MEF2C: variants seen among roughly 807,000 people sequenced by gnomAD.
MEF2C encodes myocyte enhancer factor 2C.
MEF2C carries 6 observed loss-of-function variants against 50.5 expected under a neutral mutation model. The ratio of observed to expected loss-of-function variants is 0.12; its 90% CI spans 0.07 to 0.23. The LOEUF is 0.23. Ranked by LOEUF, MEF2C falls within the 10% of genes least tolerant of loss-of-function variation. The pLI is 1.00. For missense variants in MEF2C, 276 were observed against 605.0 expected, an observed-to-expected ratio of 0.46 and a Z score of 5.70; for synonymous variants, 183 against 228.0, an observed-to-expected ratio of 0.80 and a Z score of 1.78.
rs1162465418 is a variant in MEF2C at position 88,720,796 on chromosome 5, A to C, written c.*1808T>G. 1 of 152,422 alleles carries C rather than the reference A, an allele frequency of 6.6e-6. No individual in the cohort carries two copies. Among genetic ancestry groups the C allele is most frequent in the African/African-American group, 2.4e-5 (1 of 41,410 alleles). 9.4% of individuals were successfully genotyped at this position (152,422 alleles called of 1,614,324 possible). A position where few individuals can be genotyped will look rare whatever the true frequency, so the allele number is the denominator to read the frequency against. Reference sequence around the variant, plus strand: ...ATATTAGACAAGAGTCATTTTTTTTAAATTAAAAAAAGGGACATAGAGAGG... The same window carrying C: ...ATATTAGACAAGAGTCATTTTTTTTCAATTAAAAAAAGGGACATAGAGAGG... On this transcript the variant is annotated 3_prime_UTR_variant, in exon 11 of 11. Transcript: ENST00000504921.
chr5:88,800,849 T>G (rs2153045139), intron 3 of MEF2C, among the ~76,000 whole-genome samples: 1 of 152,314 alleles, frequency 6.6e-6, no homozygotes, highest in African/African-American at 2.4e-5. Context: ...ATTTAACACA[T>G]TTACTAAATC....
At chr5:88,841,064 AAG>A (rs1180527465) in intron 1 of MEF2C, among the ~76,000 whole-genome samples, 8 of 152,332 alleles carry the variant, frequency 5.3e-5, no homozygotes, top group East Asian at 1.9e-4. Flanking sequence ...GTCTGCAAAT[AAG>A]AGAGTTACTA....
At chr5:88,742,317 G>A (rs1406019330) in intron 6 of MEF2C, 11 of 984,692 alleles carry the variant, frequency 1.1e-5, no homozygotes, top group Admixed American at 1.2e-4. Flanking sequence ...CCTAATAGGT[G>A]TATAAAGAGA....
chr5:88,737,398 A>G, intron 6 of MEF2C: 1 of 985,412 alleles, frequency 1.0e-6, no homozygotes, highest in South Asian at 4.7e-5. Context: ...ATTTCACAGC[A>G]CATTACCTTA....
At chr5:88,840,271 C>T (rs1051004905) in intron 1 of MEF2C, among the ~76,000 whole-genome samples, 3 of 152,198 alleles carry the variant, frequency 2.0e-5, no homozygotes, top group Admixed American at 6.5e-5. Flanking sequence ...TCCTCTTGTT[C>T]TGTCCTTTGT....
chr5:88,730,835 C>CCACA (rs1210143178), intron 7 of MEF2C, among the ~76,000 whole-genome samples: 1 of 152,164 alleles, frequency 6.6e-6, no homozygotes, highest in Non-Finnish European at 1.5e-5. Flanking sequence ...CTGAAGCTTG[C>CCACA]CACAGAGCAG....
chr5:88,869,915 G>T (rs1478778273), intron 1 of MEF2C, among the ~76,000 whole-genome samples: 1 of 150,338 alleles, frequency 6.7e-6, no homozygotes, highest in African/African-American at 2.4e-5. Context: ...AACTACTTTG[G>T]GTTTAACTTA....
chr5:88,767,289 A>C (rs1780456342), intron 3 of MEF2C, among the ~76,000 whole-genome samples: 2 of 152,246 alleles, frequency 1.3e-5, no homozygotes, highest in South Asian at 4.1e-4. Flanking sequence ...TTTTTGCCTT[A>C]GGCTGAGGGA....
In MEF2C at chr5:88,864,895, G is replaced by A. The variant is rs188869110; in HGVS notation, c.-143+18060C>T. Among the ~76,000 whole-genome samples, 150 of 152,142 alleles carry A rather than the reference G, an allele frequency of 9.9e-4. 6 individuals are homozygous for A. In the East Asian group the frequency reaches 0.022, roughly 23 times the overall value. ...AAGCGATTCTGCCTCAGCCTCCTGAGTAGTTGGGATTACAGGTGCCCAGCA... is the reference window on the plus strand; with the variant it reads ...AAGCGATTCTGCCTCAGCCTCCTGAATAGTTGGGATTACAGGTGCCCAGCA... On this transcript the variant is annotated intron_variant, in intron 1 of 10. Transcript: ENST00000504921.
intron 6 of MEF2C, chr5:88,743,642 G>A: frequency 4.1e-6 from 4 of 985,230 alleles, no homozygotes; most frequent in Non-Finnish European, 4.8e-6. Flanking sequence ...TAAGTTCAAA[G>A]GTGCTGAGTC....
chr5:88,818,293 C>A (rs1051010204), intron 2 of MEF2C, among the ~76,000 whole-genome samples: 1 of 151,626 alleles, frequency 6.6e-6, no homozygotes, highest in South Asian at 2.1e-4. Flanking sequence ...TCATAAAAAC[C>A]AGTTTGTTGT....
intron 1 of MEF2C, among the ~76,000 whole-genome samples, chr5:88,870,560 G>A (rs947353149): frequency 5.3e-5 from 8 of 152,034 alleles, no homozygotes; most frequent in Admixed American, 2.0e-4. Flanking sequence ...AGACCTGGAA[G>A]AGAAAGTGTT....
chr5:88,823,677 A>G, intron 2 of MEF2C, 58 bp downstream of exon 2: 1 of 1,463,246 alleles, frequency 6.8e-7, no homozygotes, highest in Non-Finnish European at 9.5e-7. Context: ...TACCCTTAAC[A>G]TATGTGGAGA....
intron 2 of MEF2C, among the ~76,000 whole-genome samples, chr5:88,816,637 T>C (rs1011936697): frequency 2.6e-5 from 4 of 151,860 alleles, no homozygotes; most frequent in Non-Finnish European, 5.9e-5. Context: ...ATTTAACTTA[T>C]ATGCATGAGG....
intron 3 of MEF2C, among the ~76,000 whole-genome samples, chr5:88,774,566 C>T (rs1783947139): frequency 1.3e-5 from 2 of 152,124 alleles, no homozygotes; most frequent in African/African-American, 2.4e-5. Flanking sequence ...TCGTGATCTG[C>T]CCGCCTCGGC....
intron 1 of MEF2C, among the ~76,000 whole-genome samples, chr5:88,900,315 G>A (rs1048036276): frequency 5.9e-5 from 9 of 151,430 alleles, no homozygotes; most frequent in Admixed American, 4.6e-4. Flanking sequence ...CAGTTGTTAA[G>A]TCAGTTATAT....
intron 4 of MEF2C, among the ~76,000 whole-genome samples, chr5:88,753,233 CTTTG>C (rs1456094810): frequency 5.3e-5 from 8 of 151,988 alleles, no homozygotes; most frequent in African/African-American, 1.9e-4. Context: ...CAATACTTTT[CTTTG>C]TTTATGTTTA....
chr5:88,810,496 G>A (rs962715545), intron 2 of MEF2C, among the ~76,000 whole-genome samples: 1 of 150,342 alleles, frequency 6.7e-6, no homozygotes, highest in African/African-American at 2.5e-5. Flanking sequence ...CAGAAAGAAT[G>A]GGGAGGATCC....
In MEF2C at chr5:88,852,872, G is replaced by A. The variant is rs191044284; in HGVS notation, c.-142-28942C>T. 2.9e-3 allele frequency among the ~76,000 whole-genome samples: 438 copies of A among 151,492 alleles called. 3 individuals carry two copies. The highest frequency in any genetic ancestry group is 0.01 in the African/African-American group (414 of 41,254). Reference sequence around the variant, plus strand: ...GGCGCTTGCAGTGAGCTGAAATAGCGCCACTGCGCTCCAGCCTGGGGGACA... The same window carrying A: ...GGCGCTTGCAGTGAGCTGAAATAGCACCACTGCGCTCCAGCCTGGGGGACA... On this transcript the variant is annotated intron_variant, in intron 1 of 10. Coordinates refer to ENST00000504921, the MANE Select transcript of MEF2C (RefSeq NM_002397.5).
Sources: gnomAD v4.1 joint callset for allele counts (sites outside exome capture counted in the v4.1 genomes callset) on GRCh38, gnomAD v4.1.1 for gene constraint, MANE v1.5 for transcripts, NCBI Gene and HGNC (gene_info 2026-07-23, HGNC 2026-07-21) for gene names.